Variants in CDK11B observed in about 807,000 individuals in gnomAD.
CDK11B encodes cyclin dependent kinase 11B, also known as cyclin-dependent kinase 11B.
A neutral mutation model predicts 84.0 loss-of-function variants in CDK11B; 37 were observed. That is an observed-to-expected ratio of 0.44 (90% CI 0.34 to 0.58). CDK11B has a LOEUF of 0.58. Ranked by LOEUF, CDK11B falls within the 20% of genes least tolerant of loss-of-function variation. CDK11B has a pLI of 0.02. For missense variants in CDK11B, 427 were observed against 834.0 expected, an observed-to-expected ratio of 0.51 and a Z score of 6.01; for synonymous variants, 269 against 309.8, an observed-to-expected ratio of 0.87 and a Z score of 1.38.
chr1:1,656,865 G>C (rs1642822880), intron 2 of CDK11B, among the ~76,000 whole-genome samples: 1 of 152,182 alleles, frequency 6.6e-6, no homozygotes, highest in African/African-American at 2.4e-5. Flanking sequence ...ATAAAGTGAA[G>C]TGCAATACAA....
intron 3 of CDK11B, 95 bp from the exon 4 acceptor site, chr1:1,652,661 A>T (rs1642160230): frequency 3.4e-6 from 3 of 879,050 alleles, no homozygotes; most frequent in Non-Finnish European, 4.9e-6. Context: ...AAAATGCATG[A>T]TTCAGACAGG....
rs1048742069 is a variant in CDK11B at position 1,658,931 on chromosome 1, T to C, written c.-31A>G. ...GAACTCACCCCTACGCCGCCGCCGC[T>C]GCCGCCGCCGCCGCCGCCGGTCCCG... is the stretch of plus-strand genomic sequence containing the variant. On this transcript the variant is annotated 5_prime_UTR_variant, in exon 1 of 20. Coordinates refer to ENST00000341832, the MANE Select transcript of CDK11B (RefSeq NM_033486.3). 43 of 195,690 alleles carry C rather than the reference T, an allele frequency of 2.2e-4. 1 individual carries two copies. The highest frequency in any genetic ancestry group is 1.2e-3 in the South Asian group (18 of 14,888). The allele number at this position is 195,690 out of a possible 1,614,324, so 12.1% of individuals were successfully genotyped here. A position where few individuals can be genotyped will look rare whatever the true frequency, so the allele number is the denominator to read the frequency against.
chr1:1,636,535 C>T, intron 17 of CDK11B, 54 bp from the exon 18 acceptor site: 1 of 1,586,100 alleles, frequency 6.3e-7, no homozygotes, highest in Non-Finnish European at 8.6e-7. Context: ...AGTGTTGGCA[C>T]CTGTGTCCCG....
At chr1:1,636,846 G>A in intron 16 of CDK11B, 48 bp from the exon 17 acceptor site, 9 of 1,612,900 alleles carry the variant, frequency 5.6e-6, no homozygotes, top group Non-Finnish European at 7.6e-6. Context: ...CCGCGAAGCT[G>A]TGGGAGGCTG....
chr1:1,648,302 G>A (rs1056788688), intron 5 of CDK11B, among the ~76,000 whole-genome samples: 6 of 149,384 alleles, frequency 4.0e-5, no homozygotes, highest in African/African-American at 1.3e-4. Context: ...CGTGGGACAA[G>A]ACACACTCAA....
intron 5 of CDK11B, chr1:1,646,329 T>C (rs1641108096): frequency 2.2e-6 from 1 of 456,820 alleles, no homozygotes; most frequent in African/African-American, 2.0e-5. Context: ...TAGCATACCA[T>C]TTTAATTTAT....
chr1:1,650,688 T>TAA (rs1334163227), intron 4 of CDK11B, among the ~76,000 whole-genome samples: 2 of 122,550 alleles, frequency 1.6e-5, no homozygotes, highest in African/African-American at 5.4e-5. Context: ...TTTTTTTTTT[T>TAA]AAAGAGACAG....
At chr1:1,643,607 G>C (rs1029308557) in intron 6 of CDK11B, among the ~76,000 whole-genome samples, 6 of 146,868 alleles carry the variant, frequency 4.1e-5, no homozygotes, top group African/African-American at 1.6e-4. Flanking sequence ...AGAAAGTCAA[G>C]AAAATGACGC....
intron 4 of CDK11B, among the ~76,000 whole-genome samples, chr1:1,650,285 G>T (rs1463292940): frequency 4.3e-5 from 5 of 116,906 alleles, no homozygotes; most frequent in African/African-American, 1.0e-4. Context: ...AAAAAAAAAA[G>T]AAATTAAATC....
At chr1:1,648,811 C>T (rs1641511479) in intron 5 of CDK11B, among the ~76,000 whole-genome samples, 2 of 152,060 alleles carry the variant, frequency 1.3e-5, no homozygotes, top group Admixed American at 6.5e-5. Context: ...ACTCTGTCAA[C>T]CAGGCTGGAG....
chr1:1,640,468 C>A lies in CDK11B; in HGVS notation c.1076-16G>T. 1 of 1,613,782 alleles carries A rather than the reference C, an allele frequency of 6.2e-7. No homozygotes were observed. The highest frequency in any genetic ancestry group is 8.5e-7 in the Non-Finnish European group (1 of 1,179,692). On this transcript the variant is annotated splice_polypyrimidine_tract_variant and intron_variant, in intron 10 of 19. Coordinates refer to ENST00000341832, the MANE Select transcript of CDK11B (RefSeq NM_033486.3). ...GACTCTGGAACTGGAAAAGTTGAACCTAATTACGAAGCTAGGAGTAAGCAA... is the reference window on the plus strand; with the variant it reads ...GACTCTGGAACTGGAAAAGTTGAACATAATTACGAAGCTAGGAGTAAGCAA...
At position 1,655,388 on chromosome 1, in the gene CDK11B, C is replaced by T; in HGVS notation, c.208G>A (p.Glu70Lys). 3.7e-6 allele frequency: 6 copies of T among 1,613,600 alleles called. No individual in the cohort carries two copies. Among genetic ancestry groups the T allele is most frequent in the Non-Finnish European group, 5.1e-6 (6 of 1,179,618 alleles). ...GCTCACCTGTCTTCCATAGAGTCTT[C>T]TCTTCTATACGGGGAGTTCCTTATT... is the stretch of plus-strand genomic sequence containing the variant. ...ITIRNSPYRREDSMEDRGEED... is the reference protein window; with the variant it reads ...ITIRNSPYRRKDSMEDRGEED... The change falls in exon 3 of 20, where the codon GAA becomes AAA. Residue 70 changes from glutamate (E) to lysine (K), a missense_variant. Physicochemically the swap from Glu to Lys is moderately conservative, Grantham distance 56. Coordinates refer to ENST00000341832, the MANE Select transcript of CDK11B (RefSeq NM_033486.3).
intron 4 of CDK11B, among the ~76,000 whole-genome samples, chr1:1,650,132 T>C (rs1395971549): frequency 6.7e-6 from 1 of 149,210 alleles, no homozygotes; most frequent in Admixed American, 6.7e-5. Context: ...TAGCTGGGTG[T>C]GGTGGCGGGC....
chr1:1,653,468 A>G (rs1642279857), intron 3 of CDK11B, among the ~76,000 whole-genome samples: 1 of 151,626 alleles, frequency 6.6e-6, no homozygotes, highest in Non-Finnish European at 1.5e-5. Flanking sequence ...CTACAGGTGT[A>G]CACTACCATG....
rs541550497 is a variant in CDK11B at position 1,637,508 on chromosome 1, A to G, written c.1470T>C (p.Ile490=). ...TCTTGTCCATGTTGCTGCCCACCAC[A>G]ATCTCCTGCAGGGCACGGCTCTGTG... The part of the protein sequence containing the change: ...QHPNIVTVRE[I]VVGSNMDKIY... Residue 490 remains isoleucine (I), a synonymous_variant, in exon 14 of 20, where the codon ATT becomes ATC. Transcript: ENST00000341832. 274 of 1,613,346 alleles carry G rather than the reference A, an allele frequency of 1.7e-4. 1 individual carries two copies. The East Asian group carries it at 5.8e-3, about 34-fold the overall frequency.
At chr1:1,645,838 T>G (rs1641014208) in intron 5 of CDK11B, 1 of 348,330 alleles carries the variant, frequency 2.9e-6, no homozygotes, top group East Asian at 7.7e-5. Context: ...TTGCTCCTTC[T>G]TGTTTCTAGC....
chr1:1,655,616 A>G (rs1642641233), intron 2 of CDK11B, 132 bp from the exon 3 acceptor site: 1 of 1,343,140 alleles, frequency 7.4e-7, no homozygotes, highest in Non-Finnish European at 9.8e-7. Flanking sequence ...TGAATGAGCC[A>G]GTGTTATAAA....
At chr1:1,637,308 T>G in intron 14 of CDK11B, 100 bp downstream of exon 14, 1 of 1,568,802 alleles carries the variant, frequency 6.4e-7, no homozygotes, top group Non-Finnish European at 8.6e-7. Context: ...GGGCTTTCCC[T>G]GTGGATGCAG....
chr1:1,652,447 G>C lies in CDK11B; in HGVS notation c.347C>G (p.Ala116Gly). ...KEKRRHRSHS[A>G]EGGKHARVKE... Reference sequence around the variant, plus strand: ...AGTAAATGCTTCTGTACCCCCTTCTGCTGAATGGCTACGATGCCTACGTTT... The same window carrying C: ...AGTAAATGCTTCTGTACCCCCTTCTCCTGAATGGCTACGATGCCTACGTTT... Residue 116 changes from alanine to glycine, a missense_variant, in exon 4 of 20, where the codon GCA (alanine) becomes GGA (glycine). By Grantham distance (60) the Ala-to-Gly change is moderately conservative. Coordinates refer to ENST00000341832, the MANE Select transcript of CDK11B (RefSeq NM_033486.3). The C allele has an allele frequency of 6.7e-7, 1 of 1,503,364 alleles. No homozygotes were observed. The highest frequency in any genetic ancestry group is 8.8e-7 in the Non-Finnish European group (1 of 1,135,982). The allele number at this position is 1,503,364 out of a possible 1,614,324, so 93.1% of individuals were successfully genotyped here.
Sources: allele counts gnomAD v4.1 joint callset (sites outside exome capture counted in the v4.1 genomes callset), GRCh38; gene constraint gnomAD v4.1.1; transcripts MANE v1.5; gene names NCBI Gene and HGNC (gene_info 2026-07-23, HGNC 2026-07-21).